Variants in MTA1 observed in about 807,000 individuals in gnomAD.
The protein encoded by MTA1 is metastasis associated 1.
MTA1 carries 15 observed loss-of-function variants against 97.0 expected under a neutral mutation model. That is an observed-to-expected ratio of 0.15 (90% CI 0.10 to 0.24). The LOEUF is 0.24. Ranked by LOEUF, MTA1 falls within the 10% of genes least tolerant of loss-of-function variation. MTA1 has a pLI of 1.00. For missense variants in MTA1, 709 were observed against 1,015.1 expected (o/e 0.70, Z 4.10); for synonymous variants, 435 against 417.5 (o/e 1.04, Z -0.51).
intron 1 of MTA1, among the ~76,000 whole-genome samples, chr14:105,432,518 C>T (rs1270786669): frequency 6.6e-6 from 1 of 152,168 alleles, no homozygotes; most frequent in Admixed American, 6.6e-5. Flanking sequence ...GGATTACAGG[C>T]GTGAGCCACC....
Position 105,466,616 on chromosome 14 carries a change from C to T in MTA1, c.1777+38C>T, listed in dbSNP as rs781973279. The T allele has an allele frequency of 8.9e-5, 140 of 1,570,144 alleles. No homozygotes were observed. In the South Asian group the frequency reaches 1.1e-3, roughly 12 times the overall value. On this transcript the variant is annotated intron_variant, in intron 17 of 20. Transcript: ENST00000331320. ...CCCGCCCGGTGAGTGTGGCCCTCCC[C>T]GCCCGGTGAGTCCGGCCCGTCCCCG...
In MTA1 at chr14:105,470,176, T is replaced by C. The variant is rs781805119; in HGVS notation, c.2109T>C (p.Pro703=). 1.9e-6 allele frequency: 3 copies of C among 1,608,814 alleles called. No homozygotes were observed. Among genetic ancestry groups the C allele is most frequent in the Non-Finnish European group, 2.5e-6 (3 of 1,178,142 alleles). Reference sequence around the variant, plus strand: ...CCCTGCCGCCGCGGCCACCGCCACCTGCGCCCGTCAACGACGAGCCCATCG... The same window carrying C: ...CCCTGCCGCCGCGGCCACCGCCACCCGCGCCCGTCAACGACGAGCCCATCG... ...SQALPPRPPP[P]APVNDEPIVI... Residue 703 remains proline (P), a synonymous_variant, in exon 21 of 21, where the codon CCT becomes CCC. Transcript: ENST00000331320.
Position 105,469,993 on chromosome 14 carries a change from G to C in MTA1, c.1997+1G>C. ...TCTACATGGCCACAGAGGAGACCAGGTGGGGCCTTCCCAGGGCAGGCGGGA... is the reference window on the plus strand; with the variant it reads ...TCTACATGGCCACAGAGGAGACCAGCTGGGGCCTTCCCAGGGCAGGCGGGA... On this transcript the variant is annotated splice_donor_variant, in intron 20 of 20. Transcript: ENST00000331320. LOFTEE classifies it high-confidence loss of function. The C allele has an allele frequency of 6.2e-7, 1 of 1,612,484 alleles. No individual in the cohort carries two copies. The highest frequency in any genetic ancestry group is 8.5e-7 in the Non-Finnish European group (1 of 1,179,812).
chr14:105,443,782 A>G (rs2082621574), intron 2 of MTA1, among the ~76,000 whole-genome samples: 1 of 152,214 alleles, frequency 6.6e-6, no homozygotes, highest in Admixed American at 6.5e-5. Context: ...CCCCGTCTCT[A>G]CAAAAAATTT....
rs1312751290 is a variant in MTA1, at chr14:105,463,312, C to T, written c.1017+54C>T. ...GGTGTGCCGCCTCCCCGTCCTGCGC[C>T]CCATCCTCTCCCAGCAGGTGGGCGT... On this transcript the variant is annotated intron_variant, in intron 11 of 20. Coordinates refer to ENST00000331320, the MANE Select transcript of MTA1 (RefSeq NM_004689.4). This position sits in a 1 kb window ranked among gnomAD's most constrained non-coding sequence, Gnocchi z 5.9. The T allele has an allele frequency of 1.9e-6, 3 of 1,589,358 alleles. No homozygotes were observed. The highest frequency in any genetic ancestry group is 2.6e-6 in the Non-Finnish European group (3 of 1,160,870).
chr14:105,450,522 G>A (rs587754284), intron 6 of MTA1, among the ~76,000 whole-genome samples, 198 bp downstream of exon 6: 12 of 152,274 alleles, frequency 7.9e-5, no homozygotes, highest in African/African-American at 2.2e-4. Context: ...CACCCTACGC[G>A]TCCAGAGTTG....
chr14:105,439,115 G>A (rs1159561118), intron 2 of MTA1, among the ~76,000 whole-genome samples: 1 of 46,146 alleles, frequency 2.2e-5, no homozygotes, highest in African/African-American at 7.7e-5. Flanking sequence ...TGCCCTGCCC[G>A]AACCCTGGCA....
At chr14:105,469,773 G>A (rs369101352) in intron 19 of MTA1, 68 bp from the exon 20 acceptor site, 37 of 1,554,250 alleles carry the variant, frequency 2.4e-5, no homozygotes, top group Admixed American at 5.8e-5. Flanking sequence ...ACCTCCCAGC[G>A]GGAGCCCTGC....
Position 105,463,585 on chromosome 14 carries a change from C to T in MTA1, c.1076+34C>T. ...GCCCTCACAGCCGTCGTCCTCGTGG[C>T]CCCGGGGGCCAGGGAGGGTGGGCAC... On this transcript the variant is annotated intron_variant, in intron 12 of 20. Coordinates refer to ENST00000331320, the MANE Select transcript of MTA1 (RefSeq NM_004689.4). The surrounding 1 kb of genome is among the most constrained non-coding windows in gnomAD (Gnocchi z 5.9). 1.2e-6 allele frequency: 2 copies of T among 1,607,648 alleles called. No individual in the cohort carries two copies. The highest frequency in any genetic ancestry group is 1.7e-6 in the Non-Finnish European group (2 of 1,175,406).
chr14:105,450,912 G>A (rs2082902317), intron 6 of MTA1, among the ~76,000 whole-genome samples: 1 of 152,218 alleles, frequency 6.6e-6, no homozygotes, highest in Non-Finnish European at 1.5e-5. Flanking sequence ...CCAGCGAACG[G>A]GAGGGTTGGG....
intron 1 of MTA1, among the ~76,000 whole-genome samples, chr14:105,425,967 C>G (rs951216004): frequency 6.6e-6 from 1 of 152,046 alleles, no homozygotes; most frequent in African/African-American, 2.4e-5. Context: ...CTCCTCAGAG[C>G]CGCCCGGCAG....
At position 105,465,542 on chromosome 14, in the gene MTA1, G is replaced by A. The variant is rs587752951; in HGVS notation, c.1624+359G>A. The A allele has an allele frequency of 2.2e-5, 4 of 179,826 alleles. No homozygotes were observed. In the South Asian group the frequency reaches 5.8e-4, roughly 26 times the overall value. 11.1% of individuals were successfully genotyped at this position (179,826 alleles called of 1,614,324 possible). A position where few individuals can be genotyped will look rare whatever the true frequency, so the allele number is the denominator to read the frequency against. On this transcript the variant is annotated intron_variant, in intron 16 of 20. Transcript: ENST00000331320. ...CCTGAGGGTCTGGGGTTTAGGTGGTGCACACCCCTGCCTGTAATACCATTA... is the reference window on the plus strand; with the variant it reads ...CCTGAGGGTCTGGGGTTTAGGTGGTACACACCCCTGCCTGTAATACCATTA...
rs2083318983 is a variant in MTA1, at chr14:105,460,785, C to T, written c.774C>T (p.Leu258=). The change falls in exon 10 of 21, where the codon CTC becomes CTT. Residue 258 remains leucine, a synonymous_variant. Coordinates refer to ENST00000331320, the MANE Select transcript of MTA1 (RefSeq NM_004689.4). ...CGCAGTTCCACGCCATGGATACTCT[C>T]CACAAGAACATCTACGACATCTCCA... The part of the protein sequence containing the change: ...DITLFHAMDT[L]HKNIYDISKA... 2 of 1,599,502 alleles carry T rather than the reference C, an allele frequency of 1.3e-6. No individual in the cohort carries two copies. Among genetic ancestry groups the T allele is most frequent in the African/African-American group, 1.3e-5 (1 of 74,434 alleles).
intron 19 of MTA1, 78 bp downstream of exon 19, chr14:105,469,576 G>T (rs1401053732): frequency 1.2e-5 from 19 of 1,530,606 alleles, no homozygotes; most frequent in East Asian, 9.2e-5. Flanking sequence ...GGCCTGGCCA[G>T]CCCTGCCAGG....
At chr14:105,457,628 CAAAAT>C (rs2083201586) in intron 7 of MTA1, among the ~76,000 whole-genome samples, 1 of 152,208 alleles carries the variant, frequency 6.6e-6, no homozygotes, top group Non-Finnish European at 1.5e-5. Context: ...CCAAGTATCT[CAAAAT>C]AAAAAGCTTG....
Position 105,463,695 on chromosome 14 carries a change from G to A in MTA1, c.1076+144G>A. 3 of 770,874 alleles carry A rather than the reference G, an allele frequency of 3.9e-6. No homozygotes were observed. The Admixed American group carries it at 7.6e-5, about 20-fold the overall frequency. The allele number at this position is 770,874 out of a possible 1,614,324, so 47.8% of individuals were successfully genotyped here. ...GGCAGCCCCCGGGAGGGCGGCCCAG[G>A]GCTGGGGGGTTCTGGCTGCAGACGC... On this transcript the variant is annotated intron_variant, in intron 12 of 20. Coordinates refer to ENST00000331320, the MANE Select transcript of MTA1 (RefSeq NM_004689.4). This position sits in a 1 kb window ranked among gnomAD's most constrained non-coding sequence, Gnocchi z 5.9.
chr14:105,458,866 C>T (rs2083252250), intron 8 of MTA1, among the ~76,000 whole-genome samples: 1 of 152,218 alleles, frequency 6.6e-6, no homozygotes, highest in Non-Finnish European at 1.5e-5. Context: ...GTTAGACGCA[C>T]ACGGGTTCTG....
intron 4 of MTA1, 61 bp downstream of exon 4, chr14:105,449,470 C>A: frequency 6.4e-7 from 1 of 1,566,512 alleles, no homozygotes; most frequent in East Asian, 2.3e-5. Flanking sequence ...CTGGGGGCGG[C>A]AGCGCCGCTG....
At chr14:105,433,188 C>G (rs2141447525) in intron 1 of MTA1, among the ~76,000 whole-genome samples, 1 of 152,300 alleles carries the variant, frequency 6.6e-6, no homozygotes, top group East Asian at 1.9e-4. Flanking sequence ...CGGCGTCTCT[C>G]CCAGCAGAGA....
Sources: gnomAD v4.1 joint callset for allele counts (sites outside exome capture counted in the v4.1 genomes callset) on GRCh38, gnomAD v4.1.1 for gene constraint, Gnocchi (gnomAD v3.1) non-coding constraint, MANE v1.5 for transcripts, NCBI Gene and HGNC (gene_info 2026-07-23, HGNC 2026-07-21) for gene names.